SCN10A: variants seen among roughly 807,000 people sequenced by gnomAD.
SCN10A encodes the protein sodium voltage-gated channel alpha subunit 10.
SCN10A carries 162 observed loss-of-function variants against 170.7 expected under a neutral mutation model. The ratio of observed to expected loss-of-function variants is 0.95; its 90% CI spans 0.84 to 1.08. The LOEUF is 1.08. Ranked by LOEUF, SCN10A falls within the 50% of genes least tolerant of loss-of-function variation. The pLI is 0.00. For synonymous variants in SCN10A, 985 were observed against 904.6 expected, an observed-to-expected ratio of 1.09 and a Z score of -1.59; for missense variants, 2,527 against 2,436.9, an observed-to-expected ratio of 1.04 and a Z score of -0.78.
intron 12 of SCN10A, among the ~76,000 whole-genome samples, chr3:38,751,735 A>G (rs901030072): frequency 2.0e-5 from 3 of 152,182 alleles, no homozygotes; most frequent in African/African-American, 7.2e-5. Context: ...CATTTTGGCA[A>G]ATTATTTCTT....
chr3:38,738,993 C>T (rs77261744), intron 15 of SCN10A, among the ~76,000 whole-genome samples: 2,326 of 152,250 alleles, frequency 0.015, 73 homozygotes, highest in East Asian at 0.15. Flanking sequence ...AGCTGGGGCT[C>T]TGGAGTCAGA....
chr3:38,756,067 T>C, intron 10 of SCN10A, 109 bp from the exon 11 acceptor site: 2 of 1,224,468 alleles, frequency 1.6e-6, no homozygotes, highest in Non-Finnish European at 2.3e-6. Flanking sequence ...ACAGAGAAGC[T>C]GAAGGGTTAG....
intron 4 of SCN10A, among the ~76,000 whole-genome samples, chr3:38,779,443 T>G (rs1442933719): frequency 6.6e-6 from 1 of 152,084 alleles, no homozygotes; most frequent in African/African-American, 2.4e-5. Context: ...TAATGCTGTA[T>G]TATTTTTTAG....
intron 1 of SCN10A, among the ~76,000 whole-genome samples, chr3:38,802,763 C>A (rs1203207569): frequency 6.6e-6 from 1 of 151,990 alleles, no homozygotes; most frequent in Non-Finnish European, 1.5e-5. Context: ...TCTAAAACAC[C>A]AAAAGCAATG....
intron 6 of SCN10A, among the ~76,000 whole-genome samples, chr3:38,762,786 C>T (rs1350851220): frequency 6.6e-6 from 1 of 152,186 alleles, no homozygotes; most frequent in Non-Finnish European, 1.5e-5. Flanking sequence ...AAGACTTCCA[C>T]TCTAGAATGG....
chr3:38,792,510 T>C (rs184837674), intron 2 of SCN10A, among the ~76,000 whole-genome samples: 9 of 152,272 alleles, frequency 5.9e-5, no homozygotes, highest in Non-Finnish European at 2.9e-5. Context: ...AAGTTATGGT[T>C]GCATTTAATT....
At chr3:38,736,963 G>GTTTTTTCTTTTTTTTTTTTTTTTT (rs2063568534) in intron 15 of SCN10A, among the ~76,000 whole-genome samples, 1 of 46,666 alleles carries the variant, frequency 2.1e-5, no homozygotes, top group African/African-American at 1.0e-4. Flanking sequence ...AGAAATGTTC[G>GTTTTTTCTTTTTTTTTTTTTTTTT]TTTTTTTTTT....
intron 22 of SCN10A, 110 bp downstream of exon 22, chr3:38,713,848 G>T (rs1029375511): frequency 1.5e-6 from 2 of 1,367,850 alleles, no homozygotes; most frequent in Middle Eastern, 2.6e-4. Flanking sequence ...GGGTGGTTTT[G>T]AACTCCTAAC....
At chr3:38,744,524 GT>G (rs1366878985) in intron 13 of SCN10A, among the ~76,000 whole-genome samples, 3 of 147,666 alleles carry the variant, frequency 2.0e-5, no homozygotes, top group Non-Finnish European at 4.5e-5. Flanking sequence ...TATACTTTAA[GT>G]TTTAGGGTAA....
intron 15 of SCN10A, among the ~76,000 whole-genome samples, chr3:38,732,479 T>C (rs2063521866): frequency 6.6e-6 from 1 of 152,256 alleles, no homozygotes; most frequent in Admixed American, 6.5e-5. Flanking sequence ...ATCTCTATTA[T>C]GTTAACTCAC....
At chr3:38,703,757 A>AT (rs893875306) in intron 26 of SCN10A, among the ~76,000 whole-genome samples, 30 of 151,982 alleles carry the variant, frequency 2.0e-4, no homozygotes, top group Non-Finnish European at 2.9e-4. Flanking sequence ...TCTTCACCCC[A>AT]TTTTTTCTCC....
chr3:38,802,112 A>G (rs749643095), intron 1 of SCN10A, among the ~76,000 whole-genome samples: 1 of 152,008 alleles, frequency 6.6e-6, no homozygotes, highest in Non-Finnish European at 1.5e-5. Context: ...GCTTCCTCAA[A>G]TCTTCCTCCC....
intron 4 of SCN10A, among the ~76,000 whole-genome samples, chr3:38,786,453 G>A (rs776296970): frequency 1.3e-5 from 2 of 151,982 alleles, no homozygotes; most frequent in Non-Finnish European, 2.9e-5. Flanking sequence ...ACAGGGAGGG[G>A]GACATCACAC....
chr3:38,714,014 G>C lies in SCN10A; in HGVS notation c.3748C>G (p.Arg1250Gly). 6.2e-7 allele frequency: 1 copy of C among 1,614,156 alleles called. No homozygotes were observed. The highest frequency in any genetic ancestry group is 8.5e-7 in the Non-Finnish European group (1 of 1,180,046). Residue 1250 changes from arginine (R) to glycine (G), a missense_variant, in exon 22 of 28, where the codon CGA becomes GGA. By Grantham distance (125) the Arg-to-Gly change is moderately radical. Coordinates refer to ENST00000449082, the MANE Select transcript of SCN10A (RefSeq NM_006514.4). ...AGTGGCCGCAGAGCGCGAAGGGTTC[G>C]AAGGGCTTTGATGGGAGCCACTTCA... is the stretch of plus-strand genomic sequence containing the variant. The part of the protein sequence containing the change: ...YSEVAPIKAL[R>G]TLRALRPLRA...
intron 1 of SCN10A, among the ~76,000 whole-genome samples, chr3:38,809,253 C>T (rs2064424546): frequency 6.6e-6 from 1 of 151,908 alleles, no homozygotes; most frequent in Non-Finnish European, 1.5e-5. Flanking sequence ...CTGAATGCAA[C>T]TTTTGGAGGA....
chr3:38,707,462 G>T, intron 25 of SCN10A, 79 bp from the exon 26 acceptor site: 1 of 1,440,204 alleles, frequency 6.9e-7, no homozygotes, highest in Admixed American at 1.7e-5. Flanking sequence ...AGGAGAGAAA[G>T]GATCATATCA....
chr3:38,751,146 T>G (rs1241515169), intron 12 of SCN10A, among the ~76,000 whole-genome samples: 1 of 152,168 alleles, frequency 6.6e-6, no homozygotes, highest in Non-Finnish European at 1.5e-5. Context: ...TGGCTTCTTC[T>G]CTCCTGTGCT....
chr3:38,753,348 T>C (rs2063769424), intron 11 of SCN10A, among the ~76,000 whole-genome samples: 2 of 152,228 alleles, frequency 1.3e-5, no homozygotes. Flanking sequence ...AGGTGGTCTA[T>C]AGTATGTACA....
intron 4 of SCN10A, among the ~76,000 whole-genome samples, chr3:38,772,291 T>C (rs1359230510): frequency 2.2e-5 from 3 of 135,848 alleles, no homozygotes; most frequent in Non-Finnish European, 4.7e-5. Context: ...AGGATGCTTC[T>C]AACACCAGAA....
Sources: gnomAD v4.1 joint callset for allele counts (sites outside exome capture counted in the v4.1 genomes callset) on GRCh38, gnomAD v4.1.1 for gene constraint, MANE v1.5 for transcripts, NCBI Gene and HGNC (gene_info 2026-07-23, HGNC 2026-07-21) for gene names.